Variants in HSD17B12 observed in about 807,000 individuals in gnomAD.
HSD17B12 encodes the protein hydroxysteroid 17-beta dehydrogenase 12.
HSD17B12 carries 32 observed loss-of-function variants against 39.3 expected under a neutral mutation model. The observed-to-expected ratio is 0.81, with a 90% confidence interval of 0.61 to 1.09. The LOEUF is 1.09. Ranked by LOEUF, HSD17B12 falls within the 50% of genes least tolerant of loss-of-function variation. The pLI is 0.00. For missense variants in HSD17B12, 342 were observed against 382.9 expected (o/e 0.89, Z 0.89); for synonymous variants, 150 against 146.7 (o/e 1.02, Z -0.16).
At chr11:43,745,855 G>GA (rs199655364) in intron 1 of HSD17B12, among the ~76,000 whole-genome samples, 14 of 150,656 alleles carry the variant, frequency 9.3e-5, no homozygotes, top group Admixed American at 4.6e-4. Flanking sequence ...GTCTCTACAG[G>GA]AAAAAAAAAG....
chr11:43,744,875 T>C (rs890695057), intron 1 of HSD17B12, among the ~76,000 whole-genome samples: 5 of 152,190 alleles, frequency 3.3e-5, no homozygotes, highest in Admixed American at 3.3e-4. Flanking sequence ...ATAGGATGGC[T>C]CTAGAGAGAT....
At chr11:43,825,429 G>A (rs1262685720) in intron 6 of HSD17B12, among the ~76,000 whole-genome samples, 2 of 152,144 alleles carry the variant, frequency 1.3e-5, no homozygotes, top group Non-Finnish European at 2.9e-5. Context: ...ATGCCAGTAG[G>A]GGGAGCCCTC....
At chr11:43,792,908 G>A (rs1565091551) in intron 3 of HSD17B12, among the ~76,000 whole-genome samples, 2 of 151,990 alleles carry the variant, frequency 1.3e-5, no homozygotes, top group Admixed American at 6.6e-5. Context: ...CTATAGGGAG[G>A]AATTCAAGAA....
At chr11:43,618,655 C>T in the HSD17B12 span, among the ~76,000 whole-genome samples, 1 of 152,110 alleles carries the variant, frequency 6.6e-6, no homozygotes, top group Admixed American at 6.6e-5. Flanking sequence ...CCATGTCTTC[C>T]CTCCTTTTAG....
At chr11:43,780,703 C>T in intron 3 of HSD17B12, among the ~76,000 whole-genome samples, 1 of 152,120 alleles carries the variant, frequency 6.6e-6, no homozygotes, top group South Asian at 2.1e-4. Flanking sequence ...TTCACAAATA[C>T]TCCAGAATGC....
chr11:43,783,758 A>G (rs963877717), intron 3 of HSD17B12, among the ~76,000 whole-genome samples: 1 of 152,074 alleles, frequency 6.6e-6, no homozygotes, highest in African/African-American at 2.4e-5. Context: ...ACACATCCCC[A>G]AAGAGCGTTT....
intron 2 of HSD17B12, among the ~76,000 whole-genome samples, chr11:43,752,679 ACT>A (rs1303236191): frequency 6.6e-6 from 1 of 152,006 alleles, no homozygotes; most frequent in Non-Finnish European, 1.5e-5. Flanking sequence ...ACACCGTGGC[ACT>A]CCAGCCTGGG....
intron 3 of HSD17B12, among the ~76,000 whole-genome samples, chr11:43,781,302 G>T (rs1211823434): frequency 6.6e-6 from 1 of 152,030 alleles, no homozygotes; most frequent in Non-Finnish European, 1.5e-5. Flanking sequence ...TATTATGCAA[G>T]GATGCTATGA....
At chr11:43,713,668 T>C (rs1950092200) in intron 1 of HSD17B12, among the ~76,000 whole-genome samples, 1 of 152,154 alleles carries the variant, frequency 6.6e-6, no homozygotes, top group Admixed American at 6.5e-5. Flanking sequence ...GGTCAAATGG[T>C]ATTTCTAGTT....
the HSD17B12 span, among the ~76,000 whole-genome samples, chr11:43,639,922 G>A: frequency 2.0e-5 from 3 of 152,122 alleles, no homozygotes; most frequent in East Asian, 1.9e-4. Context: ...AACCCTAAGC[G>A]GGATGCCCTG....
At chr11:43,602,294 G>A in the HSD17B12 span, among the ~76,000 whole-genome samples, 1 of 152,296 alleles carries the variant, frequency 6.6e-6, no homozygotes, top group African/African-American at 2.4e-5. Flanking sequence ...CCCACCCCAC[G>A]TTCCCCATTT....
At chr11:43,685,089 A>G (rs1949786035) in intron 1 of HSD17B12, among the ~76,000 whole-genome samples, 1 of 152,196 alleles carries the variant, frequency 6.6e-6, no homozygotes, top group African/African-American at 2.4e-5. Context: ...AGATTTCACA[A>G]AAAAAGTCTT....
At chr11:43,678,649 A>G (rs1355821684), upstream of HSD17B12, among the ~76,000 whole-genome samples, 1 of 152,116 alleles carries the variant, frequency 6.6e-6, no homozygotes, top group Non-Finnish European at 1.5e-5. Flanking sequence ...AGCTTCCTAC[A>G]TATGGCTAGC....
At chr11:43,668,055 A>C in the HSD17B12 span, among the ~76,000 whole-genome samples, 2 of 152,136 alleles carry the variant, frequency 1.3e-5, no homozygotes, top group Non-Finnish European at 2.9e-5. Flanking sequence ...AGCATGATAC[A>C]CTTCCTTACG....
intron 3 of HSD17B12, among the ~76,000 whole-genome samples, chr11:43,761,135 C>A (rs1161978077): frequency 1.3e-5 from 2 of 152,186 alleles, no homozygotes; most frequent in Non-Finnish European, 2.9e-5. Flanking sequence ...ATAAGAGAAT[C>A]CTTGTTCCTT....
At chr11:43,722,197 A>G (rs978126869) in intron 1 of HSD17B12, among the ~76,000 whole-genome samples, 1 of 152,230 alleles carries the variant, frequency 6.6e-6, no homozygotes, top group African/African-American at 2.4e-5. Context: ...TCTCTTGACT[A>G]TTATTAACTT....
intron 1 of HSD17B12, among the ~76,000 whole-genome samples, chr11:43,742,029 C>T (rs1002023863): frequency 8.7e-5 from 13 of 148,842 alleles, no homozygotes; most frequent in African/African-American, 2.0e-4. Context: ...CCACCGCGCC[C>T]GGCAACTGAG....
At chr11:43,762,141 T>C (rs1223337973) in intron 3 of HSD17B12, among the ~76,000 whole-genome samples, 1 of 152,038 alleles carries the variant, frequency 6.6e-6, no homozygotes, top group Non-Finnish European at 1.5e-5. Context: ...TGCCCAAGTA[T>C]GGCTAACTAC....
At chr11:43,822,901 C>T (rs1951196636) in intron 6 of HSD17B12, among the ~76,000 whole-genome samples, 3 of 152,206 alleles carry the variant, frequency 2.0e-5, no homozygotes, top group Non-Finnish European at 2.9e-5. Flanking sequence ...TCTGGGAAAT[C>T]GCCACACTGA....
Sources: allele counts gnomAD v4.1 joint callset (sites outside exome capture counted in the v4.1 genomes callset), GRCh38; gene constraint gnomAD v4.1.1; transcripts MANE v1.5; gene names NCBI Gene and HGNC (gene_info 2026-07-23, HGNC 2026-07-21).